Variants in XYLT1 observed in about 807,000 individuals in gnomAD.
XYLT1 encodes the protein xylosyltransferase 1, also known as beta-D-xylosyltransferase 1.
XYLT1 carries 36 observed loss-of-function variants against 91.3 expected under a neutral mutation model. That is an observed-to-expected ratio of 0.39 (90% CI 0.30 to 0.52). The LOEUF (loss-of-function observed/expected upper bound fraction) is 0.52. Among genes scored for constraint, XYLT1 ranks in the 20% least tolerant of loss-of-function variants. The pLI is 0.68. For missense variants in XYLT1, 1,242 were observed against 1,284.5 expected (o/e 0.97, Z 0.51); for synonymous variants, 588 against 532.0 (o/e 1.11, Z -1.45).
At chr16:17,441,505 T>A (rs2036531934) in intron 1 of XYLT1, among the ~76,000 whole-genome samples, 1 of 152,172 alleles carries the variant, frequency 6.6e-6, no homozygotes, top group Admixed American at 6.5e-5. Context: ...CTGCCTCTGC[T>A]CTTCTGTCCA....
chr16:17,357,522 A>T (rs8053503), intron 2 of XYLT1, among the ~76,000 whole-genome samples: 14,684 of 152,234 alleles, frequency 0.096, 798 homozygotes, highest in Middle Eastern at 0.13. Flanking sequence ...CCCACACGGA[A>T]ATGCCACTGC....
At chr16:17,428,506 G>A (rs573487557) in intron 1 of XYLT1, among the ~76,000 whole-genome samples, 1 of 152,310 alleles carries the variant, frequency 6.6e-6, no homozygotes, top group African/African-American at 2.4e-5. Context: ...CCTGACCCAT[G>A]CTAGATGCTC....
intron 1 of XYLT1, among the ~76,000 whole-genome samples, chr16:17,381,419 A>G (rs1025595969): frequency 1.2e-4 from 15 of 127,932 alleles, no homozygotes; most frequent in Non-Finnish European, 2.3e-4. Flanking sequence ...AAAAGGCAAC[A>G]CCTTTTTTTT....
At chr16:17,198,511 G>T in intron 4 of XYLT1, 97 bp from the exon 5 acceptor site, 4 of 1,293,922 alleles carry the variant, frequency 3.1e-6, no homozygotes, top group Non-Finnish European at 4.3e-6. Flanking sequence ...TTCCCTCCTG[G>T]TTGGGCACTT....
At chr16:17,418,216 T>C (rs994050278) in intron 1 of XYLT1, among the ~76,000 whole-genome samples, 1 of 152,228 alleles carries the variant, frequency 6.6e-6, no homozygotes, top group Admixed American at 6.5e-5. Context: ...TCCAGCATAA[T>C]GAACAGTTGT....
Position 17,470,663 on chromosome 16 carries a change from C to T in XYLT1, c.134G>A (p.Arg45His). The change falls in exon 1 of 12, where the codon CGC becomes CAC. Residue 45 changes from arginine to histidine, a missense_variant. Around this residue, in one of 3 missense-constraint regions of XYLT1, gnomAD observed 437 missense variants for 411.5 expected, o/e 1.06. Transcript: ENST00000261381. Reference sequence around the variant, plus strand: ...GCCGCCGACCGCTGCGCCCCCGCGGCGCTCCCCGGCCCCGGAGTCGAGGCT... The same window carrying T: ...GCCGCCGACCGCTGCGCCCCCGCGGTGCTCCCCGGCCCCGGAGTCGAGGCT... Reference protein sequence around the residue: ...FSSLDSGAGERRGGAAVGGGE... With the variant: ...FSSLDSGAGEHRGGAAVGGGE... 1 of 1,136,550 alleles carries T rather than the reference C, an allele frequency of 8.8e-7. No individual in the cohort carries two copies. Among genetic ancestry groups the T allele is most frequent in the Non-Finnish European group, 1.1e-6 (1 of 911,082 alleles). 70.4% of individuals were successfully genotyped at this position (1,136,550 alleles called of 1,614,324 possible).
At position 17,306,911 on chromosome 16, in the gene XYLT1, C is replaced by T. The variant is rs180844644; in HGVS notation, c.403-47413G>A. On this transcript the variant is annotated intron_variant, in intron 2 of 11. Transcript: ENST00000261381. The stretch of plus-strand genomic sequence containing the variant: ...TCTGAGGCCCAGAGAGGCAGGGTGA[C>T]TTGCCCAAGGTCACACAGCTAGAGT... 3.0e-3 allele frequency among the ~76,000 whole-genome samples: 451 copies of T among 152,306 alleles called. 1 individual carries two copies. The highest frequency in any genetic ancestry group is 1.0e-2 in the African/African-American group (415 of 41,560).
At chr16:17,357,918 G>A in intron 2 of XYLT1, 94 bp downstream of exon 2, 1 of 1,387,564 alleles carries the variant, frequency 7.2e-7, no homozygotes, top group Non-Finnish European at 1.0e-6. Context: ...GGCAGCCATG[G>A]GCCTGTCCAG....
Position 17,432,081 on chromosome 16 carries a change from T to TA in XYLT1, c.363+38352dup, listed in dbSNP as rs766077166. Among the ~76,000 whole-genome samples, 447 of 148,838 alleles carry TA rather than the reference T, an allele frequency of 3.0e-3. 2 individuals carry two copies. The highest frequency in any genetic ancestry group is 4.9e-3 in the Non-Finnish European group (329 of 66,960). ...CTTCACCATCCAGTTTATAAGAAGA[T>TA]AAAAAAAAAATGGCTGGTTCCACTC... On this transcript the variant is annotated intron_variant, in intron 1 of 11. Transcript: ENST00000261381.
chr16:17,135,862 CAAGAGACT>C (rs2030698962), intron 8 of XYLT1, among the ~76,000 whole-genome samples: 1 of 152,330 alleles, frequency 6.6e-6, no homozygotes, highest in Admixed American at 6.5e-5. Context: ...CACAGACAGA[CAAGAGACT>C]AAATAAATAG....
chr16:17,320,634 C>G (rs1425372817), intron 2 of XYLT1, among the ~76,000 whole-genome samples: 2 of 151,326 alleles, frequency 1.3e-5, no homozygotes, highest in African/African-American at 4.9e-5. Context: ...CCCCCACCAC[C>G]ACACCCAGCT....
chr16:17,192,821 T>C (rs977922501), intron 5 of XYLT1: 4 of 150,250 alleles, frequency 2.7e-5, no homozygotes, highest in Admixed American at 6.6e-5. Context: ...TTTTTTTTTT[T>C]TTTTTTTTTT....
At chr16:17,164,353 G>A (rs1008302432) in intron 5 of XYLT1, among the ~76,000 whole-genome samples, 1 of 151,078 alleles carries the variant, frequency 6.6e-6, no homozygotes, top group African/African-American at 2.4e-5. Context: ...GAGATCAGAC[G>A]AGGTTGGGTG....
At position 17,271,202 on chromosome 16, in the gene XYLT1, C is replaced by T. The variant is rs553990253; in HGVS notation, c.403-11704G>A. 1.2e-3 allele frequency among the ~76,000 whole-genome samples: 189 copies of T among 152,258 alleles called. 2 individuals carry two copies. Among genetic ancestry groups the T allele is most frequent in the African/African-American group, 4.5e-3 (186 of 41,516 alleles). On this transcript the variant is annotated intron_variant, in intron 2 of 11. Transcript: ENST00000261381. ...TTTTAAGTGTCCCGAAGGCTGGCCT[C>T]TTCTTCGTTACTATTTGAACACAGT...
intron 2 of XYLT1, among the ~76,000 whole-genome samples, chr16:17,313,089 G>T (rs940517275): frequency 6.6e-6 from 1 of 152,200 alleles, no homozygotes; most frequent in African/African-American, 2.4e-5. Context: ...CAGCTCAAAG[G>T]TGTGCCTGTC....
chr16:17,455,413 T>G (rs1288288602), intron 1 of XYLT1, among the ~76,000 whole-genome samples: 2 of 151,970 alleles, frequency 1.3e-5, no homozygotes, highest in African/African-American at 4.8e-5. Flanking sequence ...TATGACTTCT[T>G]CATGATGGCC....
intron 6 of XYLT1, among the ~76,000 whole-genome samples, chr16:17,148,330 T>G (rs1284154865): frequency 6.6e-6 from 1 of 152,252 alleles, no homozygotes; most frequent in Non-Finnish European, 1.5e-5. Context: ...ATGCTTTGTA[T>G]TTCTCCACAG....
intron 9 of XYLT1, among the ~76,000 whole-genome samples, chr16:17,133,720 G>GA (rs2030590522): frequency 1.3e-5 from 2 of 152,190 alleles, no homozygotes; most frequent in Non-Finnish European, 2.9e-5. Flanking sequence ...CTGGCTTAGG[G>GA]AAAGAGATGA....
chr16:17,138,215 CTGTTAACTATTATTA>C, intron 8 of XYLT1, 125 bp downstream of exon 8: 2 of 885,048 alleles, frequency 2.3e-6, no homozygotes, highest in Non-Finnish European at 1.6e-6. Context: ...ATTGTTGATA[CTGTTAACTATTATTA>C]ATTATCAACA....
Sources: allele counts gnomAD v4.1 joint callset (sites outside exome capture counted in the v4.1 genomes callset), GRCh38; gene constraint gnomAD v4.1.1; regional missense constraint gnomAD v4.1.1; transcripts MANE v1.5; gene names NCBI Gene and HGNC (gene_info 2026-07-23, HGNC 2026-07-21).